Variants in CLN8 observed in about 807,000 individuals in gnomAD.
CLN8 encodes the protein CLN8 transmembrane ER and ERGIC protein.
In CLN8, 14 loss-of-function variants were observed where a neutral mutation model predicts 15.7. The observed-to-expected ratio is 0.89, with a 90% CI of 0.59 to 1.39. The LOEUF (loss-of-function observed/expected upper bound fraction) is 1.39. Ranked by LOEUF, CLN8 falls within the 40% of genes most tolerant of loss-of-function variation. The pLI is 0.00. For missense variants in CLN8, 415 were observed against 364.0 expected (o/e 1.14, Z -1.14); for synonymous variants, 188 against 151.0 (o/e 1.25, Z -1.80).
upstream of CLN8, chr8:1,759,420 G>A (rs1035604500): frequency 6.6e-6 from 1 of 152,210 alleles, no homozygotes; most frequent in Non-Finnish European, 1.5e-5. Flanking sequence ...AAACTATGAA[G>A]AGGCTACATC....
At chr8:1,776,533 T>G (rs1801523862) in intron 2 of CLN8, among the ~76,000 whole-genome samples, 1 of 152,134 alleles carries the variant, frequency 6.6e-6, no homozygotes, top group South Asian at 2.1e-4. Context: ...CACACACACG[T>G]GATGACAGAA....
rs1380901432 is a variant in CLN8, at chr8:1,780,403, C to G, written c.697C>G (p.Leu233Val). ...CAGCCTGTATCTGCCTCATTTGACA[C>G]TGTTCCTTGTCGGACTGGCTCTGCT... ...VSSLYLPHLT[L>V]FLVGLALLTL... The change falls in exon 3 of 3, where the codon CTG (leucine) becomes GTG (valine). Residue 233 changes from leucine (L) to valine (V), a missense_variant. Physicochemically the swap from Leu to Val is conservative, Grantham distance 32. Transcript: ENST00000331222. The G allele has an allele frequency of 6.2e-6, 10 of 1,614,246 alleles. No homozygotes were observed. In the East Asian group the frequency reaches 2.2e-4, roughly 36 times the overall value.
intron 1 of CLN8, among the ~76,000 whole-genome samples, chr8:1,765,762 C>G (rs532612706): frequency 6.6e-6 from 1 of 152,270 alleles, no homozygotes; most frequent in South Asian, 2.1e-4. Flanking sequence ...TTGGGATTGT[C>G]TTTTCTTCTT....
intron 1 of CLN8, among the ~76,000 whole-genome samples, chr8:1,768,132 C>G (rs1801142616): frequency 6.6e-6 from 1 of 151,818 alleles, no homozygotes; most frequent in Admixed American, 6.6e-5. Flanking sequence ...TTAGTAGAGG[C>G]AGGGTTTTGC....
intron 2 of CLN8, among the ~76,000 whole-genome samples, 182 bp downstream of exon 2, chr8:1,771,779 C>T (rs775590896): frequency 1.3e-4 from 20 of 151,988 alleles, no homozygotes; most frequent in East Asian, 3.9e-4. Flanking sequence ...TATTTTGAGA[C>T]GGATTCTGGC....
chr8:1,754,875 C>T (rs1332311280), upstream of CLN8, among the ~76,000 whole-genome samples: 1 of 152,226 alleles, frequency 6.6e-6, no homozygotes, highest in African/African-American at 2.4e-5. Flanking sequence ...AACAGGCCAT[C>T]TCTGCCTGCC....
chr8:1,768,135 G>C (rs904698160), intron 1 of CLN8, among the ~76,000 whole-genome samples: 1 of 151,762 alleles, frequency 6.6e-6, no homozygotes. Flanking sequence ...GTAGAGGCAG[G>C]GTTTTGCCGT....
intron 2 of CLN8, 39 bp downstream of exon 2, chr8:1,771,636 C>G: frequency 6.4e-7 from 1 of 1,574,568 alleles, no homozygotes; most frequent in Non-Finnish European, 8.7e-7. Context: ...ATGTGCCTCA[C>G]GCATTTAATC....
In CLN8 at chr8:1,781,883, T is replaced by A. The variant is rs921831613; in HGVS notation, c.*1316T>A. The A allele has an allele frequency of 1.3e-5, 2 of 152,168 alleles. No individual in the cohort carries two copies. Among genetic ancestry groups the A allele is most frequent in the Non-Finnish European group, 2.9e-5 (2 of 68,078 alleles). The allele number at this position is 152,168 out of a possible 1,614,324, so 9.4% of individuals were successfully genotyped here. ...CCTGATGATGAGTCCCAAGGTACAT[T>A]GTTCTACTGTTTTATACCCAGGTAG... On this transcript the variant is annotated 3_prime_UTR_variant, in exon 3 of 3. Coordinates refer to ENST00000331222, the MANE Select transcript of CLN8 (RefSeq NM_018941.4).
intron 2 of CLN8, among the ~76,000 whole-genome samples, chr8:1,777,297 A>G (rs112266539): frequency 7.2e-4 from 110 of 152,312 alleles, no homozygotes; most frequent in African/African-American, 2.4e-3. Context: ...CAGGGCGTTC[A>G]CTGGGAATGG....
chr8:1,765,378 C>T (rs890964879), intron 1 of CLN8, among the ~76,000 whole-genome samples: 1 of 152,122 alleles, frequency 6.6e-6, no homozygotes, highest in Non-Finnish European at 1.5e-5. Context: ...ACCCAGCAGG[C>T]ACCAAAAAAT....
chr8:1,771,393 C>T lies in CLN8; in HGVS notation c.339C>T (p.Phe113=), dbSNP rs1435706348. 17 of 1,614,090 alleles carry T rather than the reference C, an allele frequency of 1.1e-5. No individual in the cohort carries two copies. The highest frequency in any genetic ancestry group is 8.5e-7 in the Non-Finnish European group (1 of 1,180,052). The change falls in exon 2 of 3, where the codon TTC becomes TTT. Residue 113 remains phenylalanine (F), a synonymous_variant. Coordinates refer to ENST00000331222, the MANE Select transcript of CLN8 (RefSeq NM_018941.4). The part of the protein sequence containing the change: ...CWFHITTATG[F]FCFENVAVHL... Reference sequence around the variant, plus strand: ...TTCACATCACGACAGCAACGGGATTCTTTTGCTTTGAAAATGTTGCAGTCC... The same window carrying T: ...TTCACATCACGACAGCAACGGGATTTTTTTGCTTTGAAAATGTTGCAGTCC...
In CLN8 at chr8:1,784,627, G is replaced by A. The variant is rs1801785462; in HGVS notation, c.*4060G>A. The A allele has an allele frequency of 6.6e-6, 1 of 152,354 alleles. No individual in the cohort carries two copies. The highest frequency in any genetic ancestry group is 2.4e-5 in the African/African-American group (1 of 41,432). 9.4% of individuals were successfully genotyped at this position (152,354 alleles called of 1,614,324 possible). A position where few individuals can be genotyped will look rare whatever the true frequency, so the allele number is the denominator to read the frequency against. ...GCTCCACACGGGCAGGGTTGCATCTGTTTTATTCTCTGATTGATTCTAAGC... is the reference window on the plus strand; with the variant it reads ...GCTCCACACGGGCAGGGTTGCATCTATTTTATTCTCTGATTGATTCTAAGC... On this transcript the variant is annotated 3_prime_UTR_variant, in exon 3 of 3. Transcript: ENST00000331222.
chr8:1,764,408 C>A lies in CLN8; in HGVS notation c.-124+523C>A, dbSNP rs559242599. 1.0e-3 allele frequency: 156 copies of A among 152,478 alleles called. No homozygotes were observed. The Middle Eastern group carries it at 0.017, about 17-fold the overall frequency. The allele number at this position is 152,478 out of a possible 1,614,324, so 9.4% of individuals were successfully genotyped here. On this transcript the variant is annotated intron_variant, in intron 1 of 2. Transcript: ENST00000331222. ...GCCCCTGACCTCGCTTCCCTCAGAC[C>A]GGCTGGGCAAGTACGGTCAGCTCAC...
At chr8:1,774,357 A>T (rs1012546667) in intron 2 of CLN8, among the ~76,000 whole-genome samples, 1 of 152,268 alleles carries the variant, frequency 6.6e-6, no homozygotes, top group African/African-American at 2.4e-5. Flanking sequence ...ACCTAAATTA[A>T]TATAGCTCAG....
At chr8:1,771,688 A>T (rs1177178048) in intron 2 of CLN8, 91 bp downstream of exon 2, 4 of 1,188,582 alleles carry the variant, frequency 3.4e-6, no homozygotes, top group Admixed American at 3.9e-5. Flanking sequence ...ACTCAACAGC[A>T]GGCTGGATTG....
chr8:1,764,300 C>G (rs900045296), intron 1 of CLN8: 2 of 152,466 alleles, frequency 1.3e-5, no homozygotes, highest in African/African-American at 4.8e-5. Flanking sequence ...GGGCTCCTCA[C>G]CGCGACGCTG....
rs528514360 is a variant in CLN8, at chr8:1,766,306, G to T, written c.-124+2421G>T. 1.9e-4 allele frequency among the ~76,000 whole-genome samples: 29 copies of T among 152,202 alleles called. 1 individual carries two copies. In the South Asian group the frequency reaches 6.0e-3, roughly 32 times the overall value. ...GCTCCACTTCCTCTACTGCAGAGAG[G>T]AAAGGGGCTGGTGTGGAAGGGCTTG... On this transcript the variant is annotated intron_variant, in intron 1 of 2. Transcript: ENST00000331222.
chr8:1,770,986 T>C lies in CLN8; in HGVS notation c.-69T>C. 2 of 1,470,028 alleles carry C rather than the reference T, an allele frequency of 1.4e-6. No homozygotes were observed. Among genetic ancestry groups the C allele is most frequent in the South Asian group, 1.1e-5 (1 of 88,168 alleles). The allele number at this position is 1,470,028 out of a possible 1,614,324, so 91.1% of individuals were successfully genotyped here. On this transcript the variant is annotated 5_prime_UTR_variant, in exon 2 of 3. Coordinates refer to ENST00000331222, the MANE Select transcript of CLN8 (RefSeq NM_018941.4). ...GACCGCTGCACTGACTTCATTTCCT[T>C]AGACAAGACACAGTGTAGGGCCCGG... is the stretch of plus-strand genomic sequence containing the variant.
Sources: gnomAD v4.1 joint callset for allele counts (sites outside exome capture counted in the v4.1 genomes callset) on GRCh38, gnomAD v4.1.1 for gene constraint, MANE v1.5 for transcripts, NCBI Gene and HGNC (gene_info 2026-07-23, HGNC 2026-07-21) for gene names.